USP30: variants seen among roughly 807,000 people sequenced by gnomAD.
The protein encoded by USP30 is ubiquitin specific peptidase 30, also known as ubiquitin carboxyl-terminal hydrolase 30.
USP30 carries 41 observed loss-of-function variants against 68.2 expected under a neutral mutation model. That is an observed-to-expected ratio of 0.60 (90% confidence interval 0.47 to 0.78). The LOEUF is 0.78. USP30 is among the 30% of genes least tolerant of loss of function. USP30 has a pLI of 0.00. For synonymous variants in USP30, 229 were observed against 253.7 expected (o/e 0.90, Z 0.93); for missense variants, 522 against 649.4 (o/e 0.80, Z 2.13).
upstream of USP30, among the ~76,000 whole-genome samples, chr12:109,051,042 A>G (rs147646389): frequency 6.6e-6 from 1 of 152,070 alleles, no homozygotes; most frequent in East Asian, 1.9e-4. Flanking sequence ...TAGAAATGAC[A>G]TATTTTGTTT....
rs1279522757 is a variant in USP30, at chr12:109,070,739, C to T, written c.481-873C>T. 1.3e-5 allele frequency among the ~76,000 whole-genome samples: 2 copies of T among 152,110 alleles called. No homozygotes were observed. The highest frequency in any genetic ancestry group is 2.4e-5 in the African/African-American group (1 of 41,412). On this transcript the variant is annotated intron_variant, in intron 4 of 12. Coordinates refer to ENST00000257548, the MANE Select transcript of USP30 (RefSeq NM_032663.5). The surrounding 1 kb of genome is among the most constrained non-coding windows in gnomAD (Gnocchi z 4.0). The stretch of plus-strand genomic sequence containing the variant: ...GGGGAGAGAGCCATTTGAGTTGATC[C>T]TTCAAGAGTAGTCCCATGCCATTGG...
chr12:109,086,184 T>C lies in USP30; in HGVS notation c.*253T>C. 2 of 453,814 alleles carry C rather than the reference T, an allele frequency of 4.4e-6. No homozygotes were observed. Among genetic ancestry groups the C allele is most frequent in the East Asian group, 3.6e-5 (1 of 27,828 alleles). 28.1% of individuals were successfully genotyped at this position (453,814 alleles called of 1,614,324 possible). Reference sequence around the variant, plus strand: ...CATTATGTCCGGAGTGTCTTTTTACTCATCTGATACAGGTAATTAAAAGAA... The same window carrying C: ...CATTATGTCCGGAGTGTCTTTTTACCCATCTGATACAGGTAATTAAAAGAA... On this transcript the variant is annotated 3_prime_UTR_variant, in exon 13 of 13. Transcript: ENST00000257548.
chr12:109,030,062 C>G (rs903440169), intron 3 of USP30, among the ~76,000 whole-genome samples: 5 of 152,168 alleles, frequency 3.3e-5, no homozygotes, highest in African/African-American at 1.2e-4. Context: ...AATACATGTT[C>G]ACCTTCTTCC....
At chr12:109,078,547 C>T (rs957515288) in intron 7 of USP30, among the ~76,000 whole-genome samples, 3 of 151,168 alleles carry the variant, frequency 2.0e-5, no homozygotes, top group East Asian at 1.9e-4. Flanking sequence ...TGCAGTGAGC[C>T]GAGATCACAC....
chr12:109,060,463 G>A (rs1157179072), intron 3 of USP30, among the ~76,000 whole-genome samples: 1 of 152,028 alleles, frequency 6.6e-6, no homozygotes, highest in Admixed American at 6.6e-5. Context: ...TGAAGCAAGT[G>A]TACTTTTCTG....
chr12:109,060,894 C>G (rs991185961), intron 3 of USP30, among the ~76,000 whole-genome samples: 2 of 152,150 alleles, frequency 1.3e-5, no homozygotes, highest in African/African-American at 4.8e-5. Context: ...GGTGCACCTG[C>G]CTTGGCCTCC....
rs939571973 is a variant in USP30, at chr12:109,085,971, G to T, written c.*40G>T. On this transcript the variant is annotated 3_prime_UTR_variant, in exon 13 of 13. Transcript: ENST00000257548. ...AAGGCTAGAGCTGATGGCACTGTCTGCACTGTCCAGGAAAAAAGTAAAACT... is the reference window on the plus strand; with the variant it reads ...AAGGCTAGAGCTGATGGCACTGTCTTCACTGTCCAGGAAAAAAGTAAAACT... The T allele has an allele frequency of 1.3e-6, 2 of 1,591,678 alleles. No individual in the cohort carries two copies. The highest frequency in any genetic ancestry group is 1.7e-6 in the Non-Finnish European group (2 of 1,167,068).
intron 3 of USP30, among the ~76,000 whole-genome samples, chr12:109,031,341 T>C (rs968448662): frequency 1.3e-5 from 2 of 152,238 alleles, no homozygotes; most frequent in African/African-American, 2.4e-5. Context: ...TGGATCCACT[T>C]TTTTACTCAC....
intron 7 of USP30, 63 bp from the exon 8 acceptor site, chr12:109,081,271 G>T: frequency 6.7e-7 from 1 of 1,494,378 alleles, no homozygotes; most frequent in Non-Finnish European, 9.3e-7. Context: ...CACATATCTT[G>T]CATCTTTAAA....
At chr12:109,057,450 T>A (rs923397055) in intron 2 of USP30, among the ~76,000 whole-genome samples, 7 of 152,240 alleles carry the variant, frequency 4.6e-5, no homozygotes, top group African/African-American at 1.7e-4. Context: ...GCAGAAAGAC[T>A]GATCAGAATT....
intron 3 of USP30, among the ~76,000 whole-genome samples, chr12:109,058,386 T>C (rs1422360658): frequency 6.6e-6 from 1 of 152,110 alleles, no homozygotes; most frequent in East Asian, 1.9e-4. Context: ...CTGACCAACA[T>C]GGAGAAACTC....
In USP30 at chr12:109,055,398, ATATTTT is replaced by A. The variant is rs1323946419; in HGVS notation, c.84-1282_84-1277del. Among the ~76,000 whole-genome samples the A allele has an allele frequency of 8.8e-3, 268 of 30,328 alleles. 5 individuals are homozygous for A. The highest frequency in any genetic ancestry group is 0.025 in the African/African-American group (259 of 10,358). The allele number at this position is 30,328 out of a possible 152,430, so 19.9% of individuals were successfully genotyped here. A position where few individuals can be genotyped will look rare whatever the true frequency, so the allele number is the denominator to read the frequency against. ...TATATACATATATATATATATATAT[ATATTTT>A]TTTTTTTTTTTTTTTTGAGGCAGAG... On this transcript the variant is annotated intron_variant, in intron 1 of 12. Transcript: ENST00000257548.
At position 109,085,878 on chromosome 12, in the gene USP30, C is replaced by T. The variant is rs774328555; in HGVS notation, c.1501C>T (p.Arg501Cys). 8 of 1,614,086 alleles carry T rather than the reference C, an allele frequency of 5.0e-6. No individual in the cohort carries two copies. The highest frequency in any genetic ancestry group is 5.9e-6 in the Non-Finnish European group (7 of 1,180,030). The change falls in exon 13 of 13, where the codon CGC (arginine) becomes TGC (cysteine). Residue 501 changes from arginine to cysteine, a missense_variant. Physicochemically the swap from Arg to Cys is radical, Grantham distance 180. Coordinates refer to ENST00000257548, the MANE Select transcript of USP30 (RefSeq NM_032663.5). ...CAGCGCCTACCTGCTGTTCTACGAG[C>T]GCGTCCTTTCCAGGATGCAGCACCA... The part of the protein sequence containing the change: ...SSSAYLLFYE[R>C]VLSRMQHQSQ...
At chr12:109,068,377 C>T (rs949296460) in intron 4 of USP30, among the ~76,000 whole-genome samples, 12 of 152,122 alleles carry the variant, frequency 7.9e-5, no homozygotes, top group African/African-American at 2.7e-4. Flanking sequence ...GTGGGGCCGA[C>T]GTGAGGGGCA....
At chr12:109,044,425 G>T (rs2040586112) in intron 3 of USP30, among the ~76,000 whole-genome samples, 1 of 152,078 alleles carries the variant, frequency 6.6e-6, no homozygotes, top group Non-Finnish European at 1.5e-5. Context: ...ATTGTGTGAG[G>T]CCAGGAGTTT....
intron 6 of USP30, among the ~76,000 whole-genome samples, chr12:109,072,600 C>A (rs1338053907): frequency 3.3e-5 from 5 of 152,034 alleles, no homozygotes; most frequent in African/African-American, 1.2e-4. Flanking sequence ...TTCTTTTTAC[C>A]TTTTTGAATT....
rs546439569 is a variant in USP30, at chr12:109,085,988, A to T, written c.*57A>T. On this transcript the variant is annotated 3_prime_UTR_variant, in exon 13 of 13. Coordinates refer to ENST00000257548, the MANE Select transcript of USP30 (RefSeq NM_032663.5). ...CACTGTCTGCACTGTCCAGGAAAAAAGTAAAACTGTACTGTTGCGTGTGCA... is the reference window on the plus strand; with the variant it reads ...CACTGTCTGCACTGTCCAGGAAAAATGTAAAACTGTACTGTTGCGTGTGCA... The T allele has an allele frequency of 6.6e-5, 103 of 1,564,264 alleles. No individual in the cohort carries two copies. The highest frequency in any genetic ancestry group is 8.1e-5 in the Non-Finnish European group (93 of 1,152,486).
intron 3 of USP30, among the ~76,000 whole-genome samples, chr12:109,044,211 G>C (rs2040584436): frequency 1.3e-5 from 2 of 152,224 alleles, no homozygotes; most frequent in African/African-American, 4.8e-5. Flanking sequence ...AGGAACTGAG[G>C]AGCGTGTAGA....
At chr12:109,025,513 T>A (rs972809829) in intron 2 of USP30, among the ~76,000 whole-genome samples, 1 of 152,038 alleles carries the variant, frequency 6.6e-6, no homozygotes, top group South Asian at 2.1e-4. Context: ...GAAAAATAGA[T>A]GGTATTGGGA....
Sources: gnomAD v4.1 joint callset for allele counts (sites outside exome capture counted in the v4.1 genomes callset) on GRCh38, gnomAD v4.1.1 for gene constraint, Gnocchi (gnomAD v3.1) non-coding constraint, MANE v1.5 for transcripts, NCBI Gene and HGNC (gene_info 2026-07-23, HGNC 2026-07-21) for gene names.